ISX: variants seen among roughly 807,000 people sequenced by gnomAD.
ISX encodes the protein intestine-specific homeobox.
ISX carries 15 observed loss-of-function variants against 16.9 expected under a neutral mutation model. That is an observed-to-expected ratio of 0.89 (90% CI 0.59 to 1.36). The LOEUF is 1.36. Among genes scored for constraint, ISX ranks in the 40% most tolerant of loss-of-function variants. The pLI, the probability that ISX is intolerant of heterozygous loss-of-function variation, is 0.00. For missense variants in ISX, 316 were observed against 306.1 expected (o/e 1.03, Z -0.24); for synonymous variants, 125 against 119.7 (o/e 1.04, Z -0.29).
At chr22:35,082,412 C>A (rs1929140967) in intron 2 of ISX, 106 bp from the exon 3 acceptor site, 6 of 1,108,574 alleles carry the variant, frequency 5.4e-6, no homozygotes, top group Non-Finnish European at 7.9e-6. Flanking sequence ...GGGGCCAAGG[C>A]TCGGGAGCAG....
chr22:35,078,706 T>C (rs1384762066), intron 2 of ISX, among the ~76,000 whole-genome samples: 1 of 152,130 alleles, frequency 6.6e-6, no homozygotes, highest in African/African-American at 2.4e-5. Context: ...TGAGGGCTAG[T>C]AGAAGGGAGT....
Position 35,084,451 on chromosome 22 carries a change from G to A in ISX, c.450G>A (p.Gln150=). The A allele has an allele frequency of 6.2e-7, 1 of 1,613,590 alleles. No individual in the cohort carries two copies. Among genetic ancestry groups the A allele is most frequent in the Non-Finnish European group, 8.5e-7 (1 of 1,179,706 alleles). The change falls in exon 4 of 5, where the codon CAG becomes CAA. Residue 150 remains glutamine (Q), a synonymous_variant. Transcript: ENST00000404699. ...AGATTGGCAACCTGGGGGCTCCACA[G>A]CAGCTGAGTGAAGCCAGTGTGGCCC... is the stretch of plus-strand genomic sequence containing the variant. ...QEKIGNLGAP[Q]QLSEASVALP... is the part of the protein sequence containing the mutation.
chr22:35,070,575 A>C (rs1426139846), intron 2 of ISX, among the ~76,000 whole-genome samples: 3 of 152,226 alleles, frequency 2.0e-5, no homozygotes, highest in Admixed American at 6.5e-5. Context: ...TGGGGAACCC[A>C]GGTATCTTCC....
In ISX at chr22:35,084,365, C is replaced by T. The variant is rs762047934; in HGVS notation, c.382-18C>T. 1.3e-6 allele frequency: 2 copies of T among 1,582,972 alleles called. No individual in the cohort carries two copies. Among genetic ancestry groups the T allele is most frequent in the South Asian group, 1.1e-5 (1 of 89,778 alleles). ...AGGAAAACTCTTGCTTATCCCCGTC[C>T]TTTCTCCCTGATTACAGATCTGGTT... is the stretch of plus-strand genomic sequence containing the variant. On this transcript the variant is annotated intron_variant, in intron 3 of 4. Transcript: ENST00000404699.
At position 35,079,061 on chromosome 22, in the gene ISX, G is replaced by A. The variant is rs574497246; in HGVS notation, c.230-3457G>A. Among the ~76,000 whole-genome samples the A allele has an allele frequency of 3.3e-5, 5 of 152,336 alleles. No individual in the cohort carries two copies. The East Asian group carries it at 9.6e-4, about 29-fold the overall frequency. ...GGATTTTCTGATGTCCAGCTCACTG[G>A]ATTTTCTACTATCCAATGACAGCAG... On this transcript the variant is annotated intron_variant, in intron 2 of 4. Coordinates refer to ENST00000404699, the MANE Select transcript of ISX (RefSeq NM_001303508.2).
intron 2 of ISX, among the ~76,000 whole-genome samples, chr22:35,080,995 C>T (rs554841606): frequency 2.0e-5 from 3 of 152,234 alleles, no homozygotes; most frequent in Non-Finnish European, 4.4e-5. Flanking sequence ...CTGCAACGCA[C>T]TGCCTAGTGT....
intron 2 of ISX, 27 bp downstream of exon 2, chr22:35,067,343 T>C (rs1332865146): frequency 2.7e-6 from 4 of 1,494,950 alleles, no homozygotes; most frequent in African/African-American, 1.4e-5. Flanking sequence ...CATTTCTTTC[T>C]GTTTCCTGGT....
intron 2 of ISX, among the ~76,000 whole-genome samples, chr22:35,079,612 G>C (rs1189388444): frequency 2.0e-5 from 3 of 152,148 alleles, no homozygotes; most frequent in Non-Finnish European, 4.4e-5. Context: ...CTGAGCATGA[G>C]TGTAAGTGAC....
intron 2 of ISX, among the ~76,000 whole-genome samples, chr22:35,081,783 A>G (rs1457878900): frequency 6.6e-6 from 1 of 152,252 alleles, no homozygotes; most frequent in Non-Finnish European, 1.5e-5. Context: ...TGAGGGATGC[A>G]TGACATGAAA....
At chr22:35,077,993 G>A (rs772332440) in intron 2 of ISX, among the ~76,000 whole-genome samples, 6 of 151,998 alleles carry the variant, frequency 3.9e-5, no homozygotes, top group Non-Finnish European at 5.9e-5. Flanking sequence ...GCTTATTTTC[G>A]TTATGACCCG....
chr22:35,083,976 C>T (rs1393877465), intron 3 of ISX, among the ~76,000 whole-genome samples: 3 of 152,262 alleles, frequency 2.0e-5, no homozygotes, highest in Non-Finnish European at 4.4e-5. Context: ...ATTTGGTCTG[C>T]ACAGTAGTTT....
intron 2 of ISX, among the ~76,000 whole-genome samples, chr22:35,076,683 C>A (rs1053464127): frequency 2.0e-5 from 3 of 152,024 alleles, no homozygotes; most frequent in African/African-American, 7.2e-5. Flanking sequence ...ATTAGCAGAC[C>A]CCAGAGAAGA....
intron 2 of ISX, among the ~76,000 whole-genome samples, chr22:35,068,941 T>C (rs1451995651): frequency 6.6e-6 from 1 of 152,198 alleles, no homozygotes; most frequent in East Asian, 1.9e-4. Flanking sequence ...AATTGAACCC[T>C]GGTGGCCTTA....
chr22:35,073,480 A>G (rs1928908148), intron 2 of ISX, among the ~76,000 whole-genome samples: 2 of 152,178 alleles, frequency 1.3e-5, no homozygotes, highest in African/African-American at 2.4e-5. Flanking sequence ...TTTTCCTAGG[A>G]GAATCTAATG....
intron 2 of ISX, among the ~76,000 whole-genome samples, chr22:35,070,775 A>G (rs1244910264): frequency 6.6e-6 from 1 of 152,208 alleles, no homozygotes; most frequent in African/African-American, 2.4e-5. Flanking sequence ...TGTCTGATGG[A>G]GCTGGCCAGG....
At chr22:35,082,075 C>T (rs548942974) in intron 2 of ISX, among the ~76,000 whole-genome samples, 1 of 152,378 alleles carries the variant, frequency 6.6e-6, no homozygotes, top group East Asian at 1.9e-4. Context: ...GCAGGCCACA[C>T]AGTCTCTGTT....
chr22:35,073,105 A>G (rs184214961), intron 2 of ISX, among the ~76,000 whole-genome samples: 2 of 152,344 alleles, frequency 1.3e-5, no homozygotes, highest in East Asian at 1.9e-4. Context: ...GGGACAGCCA[A>G]GTGGAAGCAG....
At chr22:35,083,370 T>A (rs1929169042) in intron 3 of ISX, among the ~76,000 whole-genome samples, 1 of 152,234 alleles carries the variant, frequency 6.6e-6, no homozygotes, top group Non-Finnish European at 1.5e-5. Flanking sequence ...GGTCTTGAAT[T>A]CGTGGTCTTG....
intron 2 of ISX, among the ~76,000 whole-genome samples, chr22:35,080,864 T>C (rs1248108048): frequency 6.6e-6 from 1 of 152,166 alleles, no homozygotes; most frequent in African/African-American, 2.4e-5. Context: ...CCAGCAGGTG[T>C]CCACCTCCCT....
Sources: gnomAD v4.1 joint callset for allele counts (sites outside exome capture counted in the v4.1 genomes callset) on GRCh38, gnomAD v4.1.1 for gene constraint, MANE v1.5 for transcripts, NCBI Gene and HGNC (gene_info 2026-07-23, HGNC 2026-07-21) for gene names.